Variants in CUX1 observed in about 807,000 individuals in gnomAD.
CUX1 encodes cut like homeobox 1.
Under a neutral mutation model 158.8 loss-of-function variants are expected in CUX1, and 31 were observed. The ratio of observed to expected loss-of-function variants is 0.20; its 90% CI spans 0.15 to 0.26. The LOEUF is 0.26. Ranked by LOEUF, CUX1 falls within the 10% of genes least tolerant of loss-of-function variation. The pLI is 1.00. For synonymous variants in CUX1, 879 were observed against 862.1 expected (o/e 1.02, Z -0.34); for missense variants, 1,589 against 2,014.6 (o/e 0.79, Z 4.04).
intron 1 of CUX1, among the ~76,000 whole-genome samples, chr7:101,853,937 G>T (rs558310107): frequency 2.0e-5 from 3 of 152,172 alleles, no homozygotes; most frequent in Non-Finnish European, 4.4e-5. Flanking sequence ...ACACCTGCCC[G>T]GCCTCCAAGT....
intron 3 of CUX1, among the ~76,000 whole-genome samples, chr7:102,046,271 C>T (rs1417428742): frequency 3.3e-5 from 5 of 152,190 alleles, no homozygotes; most frequent in African/African-American, 1.2e-4. Flanking sequence ...CTTGCTTTGT[C>T]ACCCAGGCTG....
At position 102,140,720 on chromosome 7, in the gene CUX1, C is replaced by T. The variant is rs6971354; in HGVS notation, c.675-17840C>T. On this transcript the variant is annotated intron_variant, in intron 8 of 23. Coordinates refer to ENST00000292535, the MANE Select transcript of CUX1 (RefSeq NM_181552.4). Reference sequence around the variant, plus strand: ...ACTAAAAATACAAAAAAAAATTTAGCTGAGCGTGGTGGTGCACGCCTGTAA... The same window carrying T: ...ACTAAAAATACAAAAAAAAATTTAGTTGAGCGTGGTGGTGCACGCCTGTAA... 2.6e-5 allele frequency among the ~76,000 whole-genome samples: 4 copies of T among 152,058 alleles called. No individual in the cohort carries two copies. In the East Asian group the frequency reaches 7.9e-4, roughly 30 times the overall value.
rs1306560182 is a variant in CUX1 at position 101,916,675 on chromosome 7, C to A, written c.141+450C>A. On this transcript the variant is annotated intron_variant, in intron 2 of 23. Coordinates refer to ENST00000292535, the MANE Select transcript of CUX1 (RefSeq NM_181552.4). The surrounding 1 kb of genome is among the most constrained non-coding windows in gnomAD (Gnocchi z 4.4). ...GAAGGCTGCACGCATCTGGGCATAG[C>A]AGTGCGCCTAACGCTTCTTGTAAAA... is the stretch of plus-strand genomic sequence containing the variant. The A allele has an allele frequency of 1.2e-5, 2 of 165,562 alleles. No individual in the cohort carries two copies. Among genetic ancestry groups the A allele is most frequent in the Non-Finnish European group, 2.7e-5 (2 of 75,034 alleles). The allele number at this position is 165,562 out of a possible 1,614,324, so 10.3% of individuals were successfully genotyped here.
chr7:102,119,095 C>T (rs1392330340), intron 8 of CUX1, among the ~76,000 whole-genome samples: 2 of 152,154 alleles, frequency 1.3e-5, no homozygotes, highest in Non-Finnish European at 2.9e-5. Context: ...GTGTGTATAG[C>T]ACCTGGCATG....
intron 2 of CUX1, chr7:101,959,346 C>T (rs575636290): frequency 6.6e-6 from 1 of 152,040 alleles, no homozygotes; most frequent in Admixed American, 6.6e-5. Context: ...ACTCCTCTCC[C>T]CTTTTTTCTT....
At chr7:102,030,783 T>G (rs942079546) in intron 3 of CUX1, among the ~76,000 whole-genome samples, 3 of 142,660 alleles carry the variant, frequency 2.1e-5, no homozygotes, top group African/African-American at 7.7e-5. Flanking sequence ...CCTCCTGGGC[T>G]CAGCAATCTT....
intron 2 of CUX1, among the ~76,000 whole-genome samples, chr7:101,994,872 T>G (rs944148656): frequency 6.7e-6 from 1 of 150,322 alleles, no homozygotes; most frequent in East Asian, 2.0e-4. Flanking sequence ...GGAGGACCAC[T>G]TGAGCCCAGG....
At chr7:102,064,864 A>G (rs1382458701) in intron 3 of CUX1, among the ~76,000 whole-genome samples, 1 of 152,184 alleles carries the variant, frequency 6.6e-6, no homozygotes, top group East Asian at 1.9e-4. Context: ...CAGCCCAGGA[A>G]CCCAGCTCGA....
At chr7:102,187,211 G>C (rs782221456) in intron 11 of CUX1, among the ~76,000 whole-genome samples, 26 of 151,986 alleles carry the variant, frequency 1.7e-4, no homozygotes, top group Non-Finnish European at 2.9e-4. Flanking sequence ...GCAGTGCTAA[G>C]AGTCCCAATA....
intron 1 of CUX1, among the ~76,000 whole-genome samples, chr7:101,832,216 C>T (rs1401299561): frequency 6.6e-6 from 1 of 152,120 alleles, no homozygotes; most frequent in Non-Finnish European, 1.5e-5. Flanking sequence ...TGTGGCCGTG[C>T]CAGACTCAGT....
intron 8 of CUX1, among the ~76,000 whole-genome samples, chr7:102,143,910 G>A (rs900657838): frequency 3.3e-5 from 5 of 152,074 alleles, no homozygotes; most frequent in Admixed American, 2.0e-4. Context: ...AGCCTCCCGA[G>A]TAGCTGGAAT....
intron 8 of CUX1, among the ~76,000 whole-genome samples, 182 bp from the exon 9 acceptor site, chr7:102,158,378 G>A (rs781967447): frequency 2.9e-4 from 44 of 152,072 alleles, no homozygotes; most frequent in Admixed American, 4.6e-4. Context: ...TATCAAAAGA[G>A]CGCATGGCAT....
chr7:102,098,434 A>G lies in CUX1; in HGVS notation c.406+933A>G, dbSNP rs1360728216. Among the ~76,000 whole-genome samples the G allele has an allele frequency of 2.0e-5, 3 of 152,100 alleles. No homozygotes were observed. The East Asian group carries it at 5.8e-4, about 29-fold the overall frequency. ...CGAGACCAGCCTCGGAAACGTAGCA[A>G]TACTCTGTCTCTACAGAACATCAGA... On this transcript the variant is annotated intron_variant, in intron 5 of 23. Coordinates refer to ENST00000292535, the MANE Select transcript of CUX1 (RefSeq NM_181552.4).
At chr7:101,937,218 C>A (rs770144269) in intron 2 of CUX1, among the ~76,000 whole-genome samples, 1 of 152,150 alleles carries the variant, frequency 6.6e-6, no homozygotes, top group African/African-American at 2.4e-5. Context: ...ATGTCAGCAC[C>A]CCAGCCCCCA....
In CUX1 at chr7:101,927,849, G is replaced by A. The variant is rs527600706; in HGVS notation, c.141+11624G>A. Among the ~76,000 whole-genome samples, 416 of 152,324 alleles carry A rather than the reference G, an allele frequency of 2.7e-3. 1 individual carries two copies. The highest frequency in any genetic ancestry group is 4.5e-3 in the Non-Finnish European group (303 of 68,032). On this transcript the variant is annotated intron_variant, in intron 2 of 23. Transcript: ENST00000292535. ...GCTCTGTTCCTTGTCACTGGAAGTGGTCAGAGCTGTTGCGGGGCTTGGCCC... is the reference window on the plus strand; with the variant it reads ...GCTCTGTTCCTTGTCACTGGAAGTGATCAGAGCTGTTGCGGGGCTTGGCCC...
chr7:102,199,013 G>A (rs568659838), intron 16 of CUX1, 146 bp downstream of exon 16: 59 of 724,048 alleles, frequency 8.1e-5, no homozygotes, highest in Admixed American at 7.8e-4. Flanking sequence ...AACAAGGCAC[G>A]GGTTCAAGCA....
At chr7:102,070,469 T>C in intron 4 of CUX1, 52 bp downstream of exon 4, 6 of 1,445,098 alleles carry the variant, frequency 4.2e-6, no homozygotes, top group Non-Finnish European at 5.7e-6. Context: ...GTCTGGTGAG[T>C]CGGTGGGTTT....
chr7:101,978,378 C>T (rs924724550), intron 2 of CUX1, among the ~76,000 whole-genome samples: 5 of 152,264 alleles, frequency 3.3e-5, no homozygotes, highest in African/African-American at 1.2e-4. Flanking sequence ...CCTAGGTGTG[C>T]CCTGGGGCTC....
chr7:102,263,445 C>G (rs1790564202), intron 14 of CUX1, among the ~76,000 whole-genome samples: 1 of 150,434 alleles, frequency 6.6e-6, no homozygotes, highest in African/African-American at 2.4e-5. Context: ...TCCCAAGTAG[C>G]TGGGACTACA....
Sources: gnomAD v4.1 joint callset for allele counts (sites outside exome capture counted in the v4.1 genomes callset) on GRCh38, gnomAD v4.1.1 for gene constraint, Gnocchi (gnomAD v3.1) non-coding constraint, MANE v1.5 for transcripts, NCBI Gene and HGNC (gene_info 2026-07-23, HGNC 2026-07-21) for gene names.